The following TRMT11 variants were observed in gnomAD, a reference collection of about 807,000 sequenced individuals.
The protein encoded by TRMT11 is tRNA methyltransferase 11, also known as tRNA (guanine(10)-N(2))-methyltransferase TRMT11.
TRMT11 carries 53 observed loss-of-function variants against 62.8 expected under a neutral mutation model. The ratio of observed to expected loss-of-function variants is 0.84; its 90% confidence interval spans 0.68 to 1.06. The LOEUF is 1.06. Ranked by LOEUF, TRMT11 falls within the 50% of genes least tolerant of loss-of-function variation. The pLI is 0.00. For synonymous variants in TRMT11, 188 were observed against 190.3 expected (o/e 0.99, Z 0.10); for missense variants, 556 against 553.4 (o/e 1.00, Z -0.05).
At chr6:126,052,572 T>C (rs567037920) in intron 16 of TRMT11, among the ~76,000 whole-genome samples, 5 of 152,280 alleles carry the variant, frequency 3.3e-5, no homozygotes, top group Non-Finnish European at 7.4e-5. Flanking sequence ...TTATATATCC[T>C]TATGCATTTG....
intron 12 of TRMT11, among the ~76,000 whole-genome samples, chr6:126,027,636 GTCT>G (rs1773433991): frequency 6.6e-6 from 1 of 151,874 alleles, no homozygotes; most frequent in Non-Finnish European, 1.5e-5. Context: ...TAAATCAGTT[GTCT>G]TTTTTTTTAT....
rs1259076533 is a variant in TRMT11, at chr6:126,014,882, C to G, written c.1139+1781C>G. Among the ~76,000 whole-genome samples the G allele has an allele frequency of 5.3e-5, 8 of 151,686 alleles. No individual in the cohort carries two copies. In the East Asian group the frequency reaches 1.2e-3, roughly 22 times the overall value. ...CAGCTAGCTAATTTGTTTCCTTATTCCCAGTGCTGTATTCACTTAATTCGA... is the reference window on the plus strand; with the variant it reads ...CAGCTAGCTAATTTGTTTCCTTATTGCCAGTGCTGTATTCACTTAATTCGA... On this transcript the variant is annotated intron_variant, in intron 11 of 12. Coordinates refer to ENST00000334379, the MANE Select transcript of TRMT11 (RefSeq NM_001031712.3).
At chr6:126,257,959 G>A in the TRMT11 span, 27 of 1,560,134 alleles carry the variant, frequency 1.7e-5, no homozygotes, top group Admixed American at 1.7e-4. Context: ...TGCATGCCCC[G>A]GATCTTGTCC....
intron 21 of TRMT11, among the ~76,000 whole-genome samples, chr6:126,125,546 A>G (rs776624509): frequency 6.4e-4 from 98 of 152,168 alleles, no homozygotes; most frequent in Middle Eastern, 3.4e-3. Context: ...ATGGATATTT[A>G]TCAAGGTTCT....
chr6:126,076,750 T>G (rs1777036585), intron 17 of TRMT11, among the ~76,000 whole-genome samples: 1 of 152,216 alleles, frequency 6.6e-6, no homozygotes, highest in Non-Finnish European at 1.5e-5. Context: ...TAATGTCCTG[T>G]GTGTGTCTCT....
chr6:126,247,059 T>C, the TRMT11 span, among the ~76,000 whole-genome samples: 1 of 152,156 alleles, frequency 6.6e-6, no homozygotes, highest in African/African-American at 2.4e-5. Flanking sequence ...AAGAAGGCAG[T>C]GGCCAGAGGT....
intron 17 of TRMT11, among the ~76,000 whole-genome samples, chr6:126,109,001 T>C (rs1777496692): frequency 6.6e-6 from 1 of 152,184 alleles, no homozygotes; most frequent in Admixed American, 6.6e-5. Flanking sequence ...CCTCCAACTA[T>C]AATATCCTAA....
chr6:125,996,156 C>T, intron 3 of TRMT11, 116 bp downstream of exon 3: 1 of 621,778 alleles, frequency 1.6e-6, no homozygotes, highest in Non-Finnish European at 2.8e-6. Flanking sequence ...CAGTTACATA[C>T]AACTGCCACT....
At chr6:126,196,675 C>T (rs1427627666) in intron 1 of TRMT11, among the ~76,000 whole-genome samples, 5 of 151,668 alleles carry the variant, frequency 3.3e-5, no homozygotes, top group African/African-American at 7.3e-5. Flanking sequence ...GATTTTCAAG[C>T]GTAAAAGTAC....
chr6:126,099,864 G>GA (rs1305440328), intron 17 of TRMT11, among the ~76,000 whole-genome samples: 1 of 152,178 alleles, frequency 6.6e-6, no homozygotes, highest in Non-Finnish European at 1.5e-5. Context: ...TTTGAAACTG[G>GA]AATGAGAGAA....
intron 17 of TRMT11, among the ~76,000 whole-genome samples, chr6:126,079,388 AAGGC>A (rs1256784752): frequency 6.6e-6 from 1 of 152,152 alleles, no homozygotes; most frequent in Non-Finnish European, 1.5e-5. Flanking sequence ...CACAGCTTCC[AAGGC>A]ATGAGGAGGA....
chr6:126,134,674 G>A (rs955931645), intron 21 of TRMT11, among the ~76,000 whole-genome samples: 8 of 151,908 alleles, frequency 5.3e-5, no homozygotes, highest in African/African-American at 1.4e-4. Flanking sequence ...ATTTCATCCA[G>A]TTGGATGTGA....
At chr6:126,097,909 T>C (rs1385540339) in intron 17 of TRMT11, among the ~76,000 whole-genome samples, 2 of 152,172 alleles carry the variant, frequency 1.3e-5, no homozygotes, top group East Asian at 3.8e-4. Flanking sequence ...CTCCATACTC[T>C]TTTTGTTTAT....
At chr6:126,049,304 A>G (rs1437906461) in intron 16 of TRMT11, among the ~76,000 whole-genome samples, 1 of 152,164 alleles carries the variant, frequency 6.6e-6, no homozygotes, top group Admixed American at 6.5e-5. Flanking sequence ...AGATTTTCCA[A>G]AACCAGCACC....
chr6:126,238,017 C>T, the TRMT11 span, among the ~76,000 whole-genome samples: 1 of 152,140 alleles, frequency 6.6e-6, no homozygotes, highest in East Asian at 1.9e-4. Context: ...GTGTAGTATT[C>T]TCTGATGGTA....
chr6:126,027,937 T>C (rs1023186718), intron 12 of TRMT11, among the ~76,000 whole-genome samples: 9 of 152,304 alleles, frequency 5.9e-5, no homozygotes, highest in Non-Finnish European at 1.2e-4. Flanking sequence ...AAATGACTTA[T>C]AGATGGCTTG....
chr6:126,219,606 C>T, the TRMT11 span, among the ~76,000 whole-genome samples: 2 of 152,178 alleles, frequency 1.3e-5, no homozygotes, highest in African/African-American at 4.8e-5. Context: ...GCCTCTGCAT[C>T]TTGGTCAATT....
chr6:126,235,717 G>T, the TRMT11 span, among the ~76,000 whole-genome samples: 49 of 152,288 alleles, frequency 3.2e-4, no homozygotes, highest in Non-Finnish European at 6.3e-4. Context: ...GGGATTGGGA[G>T]GGGAGAGAGC....
chr6:126,205,647 T>G (rs942777431), downstream of TRMT11, among the ~76,000 whole-genome samples: 2 of 152,264 alleles, frequency 1.3e-5, no homozygotes, highest in Admixed American at 1.3e-4. Context: ...TTAAATTGTG[T>G]TTTTATTTGG....
Sources: gnomAD v4.1 joint callset for allele counts (sites outside exome capture counted in the v4.1 genomes callset) on GRCh38, gnomAD v4.1.1 for gene constraint, MANE v1.5 for transcripts, NCBI Gene and HGNC (gene_info 2026-07-23, HGNC 2026-07-21) for gene names.